The following RNLS variants were observed in gnomAD, a reference collection of about 807,000 sequenced individuals.
RNLS encodes the protein renalase, FAD dependent amine oxidase.
A neutral mutation model predicts 39.8 loss-of-function variants in RNLS; 39 were observed. That is an observed-to-expected ratio of 0.98 (90% CI 0.76 to 1.28). The LOEUF is 1.28. Among genes scored for constraint, RNLS ranks in the 50% most tolerant of loss-of-function variants. The pLI is 0.00. For synonymous variants in RNLS, 147 were observed against 150.7 expected (o/e 0.98, Z 0.18); for missense variants, 410 against 413.3 (o/e 0.99, Z 0.07).
the RNLS span, among the ~76,000 whole-genome samples, chr10:88,179,224 C>T: frequency 6.6e-6 from 1 of 152,000 alleles, no homozygotes; most frequent in Admixed American, 6.6e-5. Context: ...ATTGGGTGAC[C>T]AAGATGGGCT....
chr10:88,365,571 G>T (rs929120690), intron 4 of RNLS, among the ~76,000 whole-genome samples: 2 of 148,416 alleles, frequency 1.3e-5, no homozygotes, highest in Non-Finnish European at 3.0e-5. Context: ...GTATATGTAG[G>T]ATATGTTATA....
At chr10:88,390,593 ACTTGGTGCAC>A (rs11276990) in intron 4 of RNLS, among the ~76,000 whole-genome samples, 14,247 of 152,080 alleles carry the variant, frequency 0.094, 789 homozygotes, top group East Asian at 0.34. Flanking sequence ...TTTCTTTGAA[ACTTGGTGCAC>A]CTCAGATTTT....
chr10:88,246,862 G>A, the RNLS span, among the ~76,000 whole-genome samples: 1 of 152,164 alleles, frequency 6.6e-6, no homozygotes, highest in South Asian at 2.1e-4. Context: ...AGCCATGAAG[G>A]TTAGCATACA....
chr10:88,582,808 TCC>T (rs2134517832), intron 1 of RNLS, among the ~76,000 whole-genome samples: 1 of 152,270 alleles, frequency 6.6e-6, no homozygotes, highest in East Asian at 1.9e-4. Context: ...GTCTCAGGTC[TCC>T]CTCTGTAGAG....
chr10:88,446,351 A>G (rs901205497), intron 4 of RNLS, among the ~76,000 whole-genome samples: 2 of 152,238 alleles, frequency 1.3e-5, no homozygotes, highest in Admixed American at 1.3e-4. Context: ...AAATGCCCAC[A>G]AGAGAAAGTA....
chr10:88,367,381 G>A (rs1268544630), intron 4 of RNLS, among the ~76,000 whole-genome samples: 1 of 152,212 alleles, frequency 6.6e-6, no homozygotes, highest in Non-Finnish European at 1.5e-5. Flanking sequence ...TTATATAAAT[G>A]TTGTTAGATG....
intron 4 of RNLS, among the ~76,000 whole-genome samples, chr10:88,439,699 GCAGAGTAGTA>G (rs1337107628): frequency 2.6e-5 from 4 of 152,184 alleles, no homozygotes; most frequent in African/African-American, 9.7e-5. Flanking sequence ...AAACCAAGGT[GCAGAGTAGTA>G]CACAGTGATT....
At chr10:88,461,895 T>C (rs542884219) in intron 4 of RNLS, among the ~76,000 whole-genome samples, 3 of 152,080 alleles carry the variant, frequency 2.0e-5, no homozygotes, top group Admixed American at 1.3e-4. Context: ...TGAAATTACA[T>C]CATCATGAAA....
intron 5 of RNLS, among the ~76,000 whole-genome samples, chr10:88,335,018 G>A (rs1847382513): frequency 6.6e-6 from 1 of 152,050 alleles, no homozygotes; most frequent in Non-Finnish European, 1.5e-5. Flanking sequence ...ATTAAAATAA[G>A]CAAAGTCTTT....
chr10:88,437,701 A>T (rs947737898), intron 4 of RNLS, among the ~76,000 whole-genome samples: 5 of 152,144 alleles, frequency 3.3e-5, no homozygotes, highest in African/African-American at 1.2e-4. Context: ...GGAGGATGTT[A>T]TTTAGTCTAA....
chr10:88,544,176 G>A (rs1005630074), intron 4 of RNLS, among the ~76,000 whole-genome samples: 3 of 152,142 alleles, frequency 2.0e-5, no homozygotes, highest in African/African-American at 7.2e-5. Context: ...AGGATCTGGT[G>A]GATAGTAAGC....
chr10:88,188,736 C>T, the RNLS span, among the ~76,000 whole-genome samples: 1 of 152,146 alleles, frequency 6.6e-6, no homozygotes, highest in Non-Finnish European at 1.5e-5. Flanking sequence ...ACCATAGACA[C>T]AAGACTACAG....
In RNLS at chr10:88,309,950, T is replaced by A. The variant is rs181459596; in HGVS notation, c.876+4516A>T. Among the ~76,000 whole-genome samples, 67 of 152,314 alleles carry A rather than the reference T, an allele frequency of 4.4e-4. 1 individual carries two copies. The highest frequency in any genetic ancestry group is 7.8e-4 in the Non-Finnish European group (53 of 68,024). On this transcript the variant is annotated intron_variant, in intron 6 of 6. Coordinates refer to ENST00000331772, the MANE Select transcript of RNLS (RefSeq NM_001031709.3). The stretch of plus-strand genomic sequence containing the variant: ...TGTTTGCGGCCAGGTGTGGTGCTCA[T>A]ACTTATAATCCTAGCATTTTGGGAG...
At chr10:88,414,193 G>C (rs752013547) in intron 4 of RNLS, among the ~76,000 whole-genome samples, 7 of 151,444 alleles carry the variant, frequency 4.6e-5, no homozygotes, top group Non-Finnish European at 1.0e-4. Context: ...CATTACCATT[G>C]CAAGAGTATA....
intron 5 of RNLS, among the ~76,000 whole-genome samples, chr10:88,333,635 C>T (rs982900097): frequency 2.1e-4 from 32 of 152,032 alleles, no homozygotes; most frequent in African/African-American, 7.7e-4. Flanking sequence ...CATTTTTTTT[C>T]CAGTTTGTTG....
chr10:88,460,129 G>GTAGGTAAGAGAACCT (rs1321196993), intron 4 of RNLS, among the ~76,000 whole-genome samples: 1 of 152,120 alleles, frequency 6.6e-6, no homozygotes, highest in African/African-American at 2.4e-5. Context: ...TAAGGCTCAG[G>GTAGGTAAGAGAACCT]TAGGTAAGAG....
intron 4 of RNLS, among the ~76,000 whole-genome samples, chr10:88,528,028 A>G (rs1049129600): frequency 6.6e-6 from 1 of 152,006 alleles, no homozygotes; most frequent in African/African-American, 2.4e-5. Context: ...AGAAAAGTAG[A>G]AAATAGAGAA....
intron 4 of RNLS, among the ~76,000 whole-genome samples, chr10:88,516,681 A>G (rs2134176860): frequency 6.6e-6 from 1 of 152,166 alleles, no homozygotes; most frequent in East Asian, 1.9e-4. Context: ...TTTGTTTCAA[A>G]AAGATGCTTT....
At chr10:88,315,870 G>C (rs1845726627) in intron 5 of RNLS, among the ~76,000 whole-genome samples, 1 of 151,524 alleles carries the variant, frequency 6.6e-6, no homozygotes, top group African/African-American at 2.4e-5. Flanking sequence ...ACTCAGCACA[G>C]TTTCTGACAC....
Sources: gnomAD v4.1 joint callset for allele counts (sites outside exome capture counted in the v4.1 genomes callset) on GRCh38, gnomAD v4.1.1 for gene constraint, MANE v1.5 for transcripts, NCBI Gene and HGNC (gene_info 2026-07-23, HGNC 2026-07-21) for gene names.